KCNT2: variants seen among roughly 807,000 people sequenced by gnomAD.
KCNT2 encodes potassium channel subfamily T member 2.
Under a neutral mutation model 153.8 loss-of-function variants are expected in KCNT2, and 67 were observed. The observed-to-expected ratio is 0.44, with a 90% CI of 0.36 to 0.53. The LOEUF (loss-of-function observed/expected upper bound fraction) is 0.53. Among genes scored for constraint, KCNT2 ranks in the 20% least tolerant of loss-of-function variants. The pLI, the probability that KCNT2 is intolerant of heterozygous loss-of-function variation, is 0.00. For missense variants in KCNT2, 975 were observed against 1,354.8 expected (o/e 0.72, Z 4.40); for synonymous variants, 500 against 458.8 (o/e 1.09, Z -1.15).
intron 21 of KCNT2, among the ~76,000 whole-genome samples, chr1:196,311,719 G>T (rs1460641377): frequency 6.6e-6 from 1 of 151,418 alleles, no homozygotes; most frequent in Non-Finnish European, 1.5e-5. Flanking sequence ...TGACACTCTG[G>T]TCATAGCCCT....
At chr1:196,255,455 G>A (rs1212872473) in intron 26 of KCNT2, among the ~76,000 whole-genome samples, 2 of 151,668 alleles carry the variant, frequency 1.3e-5, no homozygotes, top group African/African-American at 4.8e-5. Context: ...CACTTTAGCT[G>A]TTTCCTCAAA....
At chr1:196,431,425 G>A (rs540469563) in intron 8 of KCNT2, among the ~76,000 whole-genome samples, 1 of 152,192 alleles carries the variant, frequency 6.6e-6, no homozygotes, top group South Asian at 2.1e-4. Flanking sequence ...GAAGAGGAGA[G>A]TAGAGAGAGC....
intron 26 of KCNT2, among the ~76,000 whole-genome samples, chr1:196,254,850 C>CA (rs879372450): frequency 1.3e-5 from 2 of 151,424 alleles, no homozygotes; most frequent in Admixed American, 1.3e-4. Flanking sequence ...ATTTCCTTGA[C>CA]AAAAAAATAA....
At chr1:196,327,278 C>T (rs965929053) in intron 18 of KCNT2, among the ~76,000 whole-genome samples, 1 of 151,332 alleles carries the variant, frequency 6.6e-6, no homozygotes, top group Non-Finnish European at 1.5e-5. Flanking sequence ...ATTCCCAGTA[C>T]TGAATGCTTA....
At chr1:196,510,113 A>C (rs1347478109) in intron 1 of KCNT2, among the ~76,000 whole-genome samples, 1 of 152,170 alleles carries the variant, frequency 6.6e-6, no homozygotes, top group East Asian at 1.9e-4. Context: ...TCAGGGAAGT[A>C]AAAGGAATTA....
Position 196,397,791 on chromosome 1 carries a change from G to A in KCNT2, c.1294+772C>T, listed in dbSNP as rs1248898482. Among the ~76,000 whole-genome samples the A allele has an allele frequency of 2.0e-5, 3 of 151,298 alleles. 1 individual carries two copies. Among genetic ancestry groups the A allele is most frequent in the South Asian group, 4.1e-4 (2 of 4,832 alleles). Reference sequence around the variant, plus strand: ...TAAACACATTTTCTGAAGGAAATACGTTTTGCTGACACATTGCTAAAATGT... The same window carrying A: ...TAAACACATTTTCTGAAGGAAATACATTTTGCTGACACATTGCTAAAATGT... On this transcript the variant is annotated intron_variant, in intron 13 of 27. Transcript: ENST00000294725.
chr1:196,461,772 A>G (rs576304252), intron 8 of KCNT2, among the ~76,000 whole-genome samples: 1 of 151,800 alleles, frequency 6.6e-6, no homozygotes, highest in Admixed American at 6.6e-5. Flanking sequence ...AATGACCGAA[A>G]AAACAATTCT....
At chr1:196,479,335 G>GCACA in intron 4 of KCNT2, 97 bp from the exon 5 acceptor site, 3 of 694,454 alleles carry the variant, frequency 4.3e-6, no homozygotes, top group Non-Finnish European at 7.6e-6. Context: ...ATATGTGCAT[G>GCACA]TATACATATA....
At chr1:196,411,113 CCTT>C (rs1672287070) in intron 12 of KCNT2, among the ~76,000 whole-genome samples, 2 of 133,494 alleles carry the variant, frequency 1.5e-5, no homozygotes, top group African/African-American at 5.4e-5. Context: ...TTCCTTCCTT[CCTT>C]CCTTCCTCCC....
At chr1:196,463,060 A>T (rs1028277063) in intron 8 of KCNT2, among the ~76,000 whole-genome samples, 14 of 151,706 alleles carry the variant, frequency 9.2e-5, no homozygotes, top group African/African-American at 3.4e-4. Flanking sequence ...GACAGAAACC[A>T]TGTTTTGAAA....
Position 196,570,067 on chromosome 1 carries a change from TAAAAAAAAAAAA to T in KCNT2, c.95+38136_95+38147del, listed in dbSNP as rs199836975. Reference sequence around the variant, plus strand: ...TGAGTCCAGGAAGCTTGAGCTAGAGTAAAAAAAAAAAAAAAAAAAAAAAAAAAAAAATTAAAG... The same window carrying T: ...TGAGTCCAGGAAGCTTGAGCTAGAGTAAAAAAAAAAAAAAAAAAATTAAAG... On this transcript the variant is annotated intron_variant, in intron 1 of 27. Transcript: ENST00000294725. Among the ~76,000 whole-genome samples the T allele has an allele frequency of 3.8e-4, 51 of 133,742 alleles. 1 individual carries two copies. The highest frequency in any genetic ancestry group is 1.5e-3 in the African/African-American group (41 of 27,558). The allele number at this position is 133,742 out of a possible 152,430, so 87.7% of individuals were successfully genotyped here.
Position 196,340,434 on chromosome 1 carries a change from T to C in KCNT2, c.1690A>G (p.Lys564Glu). The C allele has an allele frequency of 1.2e-6, 2 of 1,612,884 alleles. No homozygotes were observed. The highest frequency in any genetic ancestry group is 1.3e-5 in the African/African-American group (1 of 74,974). Residue 564 changes from lysine (K) to glutamate (E), a missense_variant, in exon 16 of 28, where the codon AAA becomes GAA. This residue lies in a region of KCNT2 where 325 missense variants were observed against 388.1 expected (regional missense o/e 0.84). Transcript: ENST00000294725. ...CTTTTTCTCTGCTGGTCTTGGTTTT[T>C]AAATGCTGAATTCTCTTCTTTGGTA... ...NITKEENSAF[K>E]NQDQQRKSNV...
rs1470278579 is a variant in KCNT2 at position 196,424,670 on chromosome 1, CT to C, written c.1121+1181del. 1.1e-4 allele frequency among the ~76,000 whole-genome samples: 17 copies of C among 151,496 alleles called. 2 individuals carry two copies. In the East Asian group the frequency reaches 3.3e-3, roughly 30 times the overall value. ...CATTATATCCTGCTAGTTTCTCGTG[CT>C]GTTTTTTTTTCAGAAGTTGAATCAT... On this transcript the variant is annotated intron_variant, in intron 11 of 27. Transcript: ENST00000294725.
rs564383086 is a variant in KCNT2 at position 196,524,720 on chromosome 1, A to G, written c.96-32379T>C. 2.0e-5 allele frequency among the ~76,000 whole-genome samples: 3 copies of G among 152,276 alleles called. No homozygotes were observed. The South Asian group carries it at 6.2e-4, about 32-fold the overall frequency. On this transcript the variant is annotated intron_variant, in intron 1 of 27. Coordinates refer to ENST00000294725, the MANE Select transcript of KCNT2 (RefSeq NM_198503.5). ...CCGGATATCATTATCAAAAAATAATATTGATAGTGGTGTTATTAAATGTAA... is the reference window on the plus strand; with the variant it reads ...CCGGATATCATTATCAAAAAATAATGTTGATAGTGGTGTTATTAAATGTAA...
chr1:196,405,723 A>T (rs1321257185), intron 12 of KCNT2, among the ~76,000 whole-genome samples: 2 of 151,546 alleles, frequency 1.3e-5, no homozygotes, highest in African/African-American at 4.8e-5. Flanking sequence ...CATCTGCAGC[A>T]CTTGAAAATT....
intron 1 of KCNT2, among the ~76,000 whole-genome samples, chr1:196,583,996 T>C (rs189921003): frequency 5.7e-4 from 87 of 151,996 alleles, no homozygotes; most frequent in Admixed American, 4.9e-3. Flanking sequence ...GCCACGTAAG[T>C]TTCCAGAAGT....
intron 1 of KCNT2, among the ~76,000 whole-genome samples, chr1:196,527,281 C>T (rs1369190558): frequency 2.0e-4 from 31 of 152,008 alleles, no homozygotes; most frequent in Admixed American, 2.0e-3. Context: ...AAAGATGTAC[C>T]TCATAGAACT....
intron 1 of KCNT2, among the ~76,000 whole-genome samples, chr1:196,576,096 G>C (rs1257305023): frequency 6.6e-6 from 1 of 151,540 alleles, no homozygotes; most frequent in African/African-American, 2.4e-5. Context: ...ATATATGTGT[G>C]TGTGTGTGTG....
In KCNT2 at chr1:196,428,101, G is replaced by T. The variant is rs750888059; in HGVS notation, c.984+4C>A. 6.8e-6 allele frequency: 11 copies of T among 1,609,792 alleles called. No homozygotes were observed. The South Asian group carries it at 1.2e-4, about 18-fold the overall frequency. On this transcript the variant is annotated splice_donor_region_variant and intron_variant, in intron 10 of 27. Transcript: ENST00000294725. ...GTATAGCACATAATATAAGCCAAATGTACCTGGAGCCTAGGATGAGCATAG... is the reference window on the plus strand; with the variant it reads ...GTATAGCACATAATATAAGCCAAATTTACCTGGAGCCTAGGATGAGCATAG...
Sources: gnomAD v4.1 joint callset for allele counts (sites outside exome capture counted in the v4.1 genomes callset) on GRCh38, gnomAD v4.1.1 for gene constraint, gnomAD v4.1.1 regional missense constraint, MANE v1.5 for transcripts, NCBI Gene and HGNC (gene_info 2026-07-23, HGNC 2026-07-21) for gene names.